Variants in LUZP2 observed in about 807,000 individuals in gnomAD.
The protein encoded by LUZP2 is leucine zipper protein 2.
LUZP2 carries 52 observed loss-of-function variants against 51.6 expected under a neutral mutation model. The ratio of observed to expected loss-of-function variants is 1.01; its 90% confidence interval spans 0.81 to 1.27. LUZP2 has a LOEUF of 1.27. LUZP2 is among the 50% of genes most tolerant of loss of function. The pLI is 0.00. For synonymous variants in LUZP2, 154 were observed against 137.3 expected (o/e 1.12, Z -0.85); for missense variants, 436 against 395.4 (o/e 1.10, Z -0.87).
intron 1 of LUZP2, among the ~76,000 whole-genome samples, chr11:24,650,194 C>T (rs1042291127): frequency 2.0e-4 from 31 of 151,896 alleles, no homozygotes; most frequent in African/African-American, 6.8e-4. Flanking sequence ...TTTTAGCCAT[C>T]CCAGACAGAT....
At chr11:24,739,915 T>C (rs1859071814) in intron 4 of LUZP2, among the ~76,000 whole-genome samples, 1 of 152,122 alleles carries the variant, frequency 6.6e-6, no homozygotes, top group African/African-American at 2.4e-5. Context: ...AAATGTGGCC[T>C]AAAGTCTGGC....
At chr11:24,608,484 C>A (rs1211434819) in intron 1 of LUZP2, among the ~76,000 whole-genome samples, 1 of 152,102 alleles carries the variant, frequency 6.6e-6, no homozygotes, top group Non-Finnish European at 1.5e-5. Context: ...ATGACAGGAA[C>A]TAAAACAATA....
Position 24,996,065 on chromosome 11 carries a change from C to T in LUZP2, c.765+12772C>T, listed in dbSNP as rs530077860. Among the ~76,000 whole-genome samples the T allele has an allele frequency of 3.6e-4, 55 of 150,778 alleles. 3 individuals carry two copies. The South Asian group carries it at 0.011, about 31-fold the overall frequency. ...ATTTTCTCTTTGTTATTGGTTTCCTCTGCATATTGATTATAAAAATATTAT... is the reference window on the plus strand; with the variant it reads ...ATTTTCTCTTTGTTATTGGTTTCCTTTGCATATTGATTATAAAAATATTAT... On this transcript the variant is annotated intron_variant, in intron 9 of 11. Transcript: ENST00000336930.
chr11:24,934,086 T>C (rs544891684), intron 7 of LUZP2, among the ~76,000 whole-genome samples: 2 of 152,250 alleles, frequency 1.3e-5, no homozygotes, highest in East Asian at 1.9e-4. Flanking sequence ...GGAAGGTGTA[T>C]TGTCACAAAG....
chr11:24,715,331 T>C (rs1390125721), intron 1 of LUZP2, among the ~76,000 whole-genome samples: 1 of 140,414 alleles, frequency 7.1e-6, no homozygotes, highest in Non-Finnish European at 1.6e-5. Context: ...AAATATATCT[T>C]GGTCGGTGAA....
intron 4 of LUZP2, chr11:24,751,583 T>G: frequency 4.1e-6 from 4 of 982,978 alleles, no homozygotes; most frequent in Non-Finnish European, 4.8e-6. Context: ...CCATCTCCCT[T>G]AGATCCCCTA....
rs181829159 is a variant in LUZP2 at position 24,972,670 on chromosome 11, A to G, written c.523-3921A>G. ...ATATCAAAGGCCTTTTTCTGTGTCTATTGAGATAATCATGTGGGTTTTTTT... is the reference window on the plus strand; with the variant it reads ...ATATCAAAGGCCTTTTTCTGTGTCTGTTGAGATAATCATGTGGGTTTTTTT... On this transcript the variant is annotated intron_variant, in intron 7 of 11. Coordinates refer to ENST00000336930, the MANE Select transcript of LUZP2 (RefSeq NM_001009909.4). Among the ~76,000 whole-genome samples, 570 of 152,096 alleles carry G rather than the reference A, an allele frequency of 3.7e-3. 3 individuals carry two copies. The highest frequency in any genetic ancestry group is 5.7e-3 in the Non-Finnish European group (390 of 67,990).
At chr11:24,627,800 G>C (rs184829648) in intron 1 of LUZP2, among the ~76,000 whole-genome samples, 1 of 152,208 alleles carries the variant, frequency 6.6e-6, no homozygotes, top group East Asian at 1.9e-4. Flanking sequence ...GACACCCATT[G>C]GATGACAGGC....
At chr11:24,952,041 A>G (rs748141140) in intron 7 of LUZP2, among the ~76,000 whole-genome samples, 13 of 151,824 alleles carry the variant, frequency 8.6e-5, no homozygotes, top group Middle Eastern at 3.4e-3. Context: ...TTATTTTGCT[A>G]ACAATTCAAT....
At chr11:25,051,574 T>G (rs374890478) in intron 10 of LUZP2, among the ~76,000 whole-genome samples, 5 of 152,112 alleles carry the variant, frequency 3.3e-5, no homozygotes, top group Non-Finnish European at 7.4e-5. Flanking sequence ...ATCACAGCAG[T>G]ATGGCTAAAA....
intron 7 of LUZP2, among the ~76,000 whole-genome samples, chr11:24,951,081 G>T (rs1368671165): frequency 1.3e-5 from 2 of 151,380 alleles, no homozygotes; most frequent in Admixed American, 1.3e-4. Context: ...CATTTGGGAG[G>T]CAATGAAGCC....
chr11:24,672,758 C>T (rs1408105472), intron 1 of LUZP2, among the ~76,000 whole-genome samples: 1 of 152,174 alleles, frequency 6.6e-6, no homozygotes, highest in South Asian at 2.1e-4. Flanking sequence ...ATGGTATATC[C>T]TATGCCTCCT....
intron 1 of LUZP2, among the ~76,000 whole-genome samples, chr11:24,499,057 A>T (rs373586094): frequency 6.6e-6 from 1 of 152,164 alleles, no homozygotes; most frequent in Non-Finnish European, 1.5e-5. Flanking sequence ...GTTGATTTTG[A>T]TAGGGATAAA....
Position 24,640,595 on chromosome 11 carries a change from G to A in LUZP2, c.63-88574G>A, listed in dbSNP as rs1049821595. Among the ~76,000 whole-genome samples the A allele has an allele frequency of 3.2e-4, 48 of 151,812 alleles. 1 individual carries two copies. Among genetic ancestry groups the A allele is most frequent in the African/African-American group, 1.1e-3 (47 of 41,148 alleles). On this transcript the variant is annotated intron_variant, in intron 1 of 11. Coordinates refer to ENST00000336930, the MANE Select transcript of LUZP2 (RefSeq NM_001009909.4). ...CTTTATTTATTTAGATAAATGTTTG[G>A]CACATAAACTAAACTGTGAAAAATA...
At chr11:24,607,320 T>G (rs1486274809) in intron 1 of LUZP2, among the ~76,000 whole-genome samples, 1 of 149,310 alleles carries the variant, frequency 6.7e-6, no homozygotes, top group Non-Finnish European at 1.5e-5. Flanking sequence ...TTGTGTGTGG[T>G]ATAAGATGGG....
At chr11:24,709,773 T>C (rs1270488512) in intron 1 of LUZP2, among the ~76,000 whole-genome samples, 7 of 152,148 alleles carry the variant, frequency 4.6e-5, no homozygotes, top group African/African-American at 9.7e-5. Flanking sequence ...CGTTTTTGTA[T>C]TGGGGCCTCA....
intron 5 of LUZP2, among the ~76,000 whole-genome samples, chr11:24,816,038 G>T (rs1850173013): frequency 6.7e-6 from 1 of 149,568 alleles, no homozygotes; most frequent in South Asian, 2.1e-4. Flanking sequence ...TTATCACCCG[G>T]CTACTTTTGC....
intron 5 of LUZP2, among the ~76,000 whole-genome samples, chr11:24,824,393 A>G (rs1850462940): frequency 7.0e-6 from 1 of 143,668 alleles, no homozygotes; most frequent in African/African-American, 2.6e-5. Flanking sequence ...AAAAAAAAAA[A>G]TGAGTGGTAC....
intron 7 of LUZP2, among the ~76,000 whole-genome samples, chr11:24,967,237 A>T (rs1855609954): frequency 6.6e-6 from 1 of 151,922 alleles, no homozygotes; most frequent in South Asian, 2.1e-4. Context: ...ATCCTGTGGG[A>T]ATTACAGTCT....
Sources: gnomAD v4.1 joint callset for allele counts (sites outside exome capture counted in the v4.1 genomes callset) on GRCh38, gnomAD v4.1.1 for gene constraint, MANE v1.5 for transcripts, NCBI Gene and HGNC (gene_info 2026-07-23, HGNC 2026-07-21) for gene names.